The following GAS2 variants were observed in gnomAD, a reference collection of about 807,000 sequenced individuals.
The protein encoded by GAS2 is growth arrest specific 2.
GAS2 carries 20 observed loss-of-function variants against 37.5 expected under a neutral mutation model. The ratio of observed to expected loss-of-function variants is 0.53; its 90% CI spans 0.37 to 0.77. The LOEUF (loss-of-function observed/expected upper bound fraction) is 0.77, where lower values mean the gene tolerates loss of function less well. Among genes scored for constraint, GAS2 ranks in the 30% least tolerant of loss-of-function variants. GAS2 has a pLI of 0.00. For synonymous variants in GAS2, 144 were observed against 132.2 expected (o/e 1.09, Z -0.61); for missense variants, 336 against 373.4 (o/e 0.90, Z 0.82).
chr11:22,675,126 T>C, intron 2 of GAS2, 112 bp downstream of exon 2: 1 of 1,083,218 alleles, frequency 9.2e-7, no homozygotes. Context: ...AGAAAGACTT[T>C]TATTATTTGA....
intron 2 of GAS2, among the ~76,000 whole-genome samples, chr11:22,678,703 T>C (rs923501679): frequency 6.6e-6 from 1 of 152,044 alleles, no homozygotes; most frequent in African/African-American, 2.4e-5. Flanking sequence ...TTTCTGATCC[T>C]ACATATAAAC....
chr11:22,790,172 T>C (rs567183750), intron 7 of GAS2, among the ~76,000 whole-genome samples: 21 of 152,158 alleles, frequency 1.4e-4, no homozygotes, highest in African/African-American at 5.1e-4. Flanking sequence ...TGGTGGGAAA[T>C]TGGATGAGAG....
At chr11:22,716,466 A>T (rs1851681210) in intron 3 of GAS2, among the ~76,000 whole-genome samples, 1 of 151,852 alleles carries the variant, frequency 6.6e-6, no homozygotes, top group Admixed American at 6.6e-5. Context: ...ATGGTGAAAC[A>T]TTGTCTCAAC....
At chr11:22,763,998 G>A (rs1339847592) in intron 7 of GAS2, among the ~76,000 whole-genome samples, 2 of 152,134 alleles carry the variant, frequency 1.3e-5, no homozygotes, top group Non-Finnish European at 2.9e-5. Context: ...ATCCATTGAT[G>A]TAATTTACAC....
At chr11:22,644,507 A>G (rs1248236219) in intron 1 of GAS2, among the ~76,000 whole-genome samples, 2 of 152,236 alleles carry the variant, frequency 1.3e-5, no homozygotes, top group Non-Finnish European at 2.9e-5. Flanking sequence ...CAAAACTACT[A>G]TAGCTTACAT....
At chr11:22,688,114 C>T (rs920768555) in intron 3 of GAS2, among the ~76,000 whole-genome samples, 6 of 152,182 alleles carry the variant, frequency 3.9e-5, no homozygotes, top group African/African-American at 9.7e-5. Context: ...AAGGCTTTGA[C>T]ATTAAGTGCA....
chr11:22,707,359 C>G (rs1321750165), intron 3 of GAS2, among the ~76,000 whole-genome samples: 2 of 152,178 alleles, frequency 1.3e-5, no homozygotes, highest in Non-Finnish European at 2.9e-5. Flanking sequence ...GAAACATAAA[C>G]AAATGAGTAA....
chr11:22,742,618 G>T (rs148415103), intron 5 of GAS2, among the ~76,000 whole-genome samples: 6 of 152,178 alleles, frequency 3.9e-5, no homozygotes, highest in African/African-American at 1.4e-4. Flanking sequence ...TTGGGACTTA[G>T]TGTTGATTTT....
intron 2 of GAS2, among the ~76,000 whole-genome samples, chr11:22,677,631 C>T (rs1849489789): frequency 6.6e-6 from 1 of 152,130 alleles, no homozygotes; most frequent in African/African-American, 2.4e-5. Flanking sequence ...TCAGTGTGAG[C>T]AGCCCAAGAC....
intron 2 of GAS2, among the ~76,000 whole-genome samples, chr11:22,684,833 A>T (rs1849862708): frequency 6.6e-6 from 1 of 152,178 alleles, no homozygotes; most frequent in Non-Finnish European, 1.5e-5. Context: ...GGCTTCCAAA[A>T]TTCTGGGATT....
At chr11:22,683,210 T>C (rs1336492062) in intron 2 of GAS2, among the ~76,000 whole-genome samples, 1 of 152,160 alleles carries the variant, frequency 6.6e-6, no homozygotes, top group African/African-American at 2.4e-5. Context: ...AATCCAAATA[T>C]ATTAGATATT....
At chr11:22,677,489 A>T (rs946238642) in intron 2 of GAS2, among the ~76,000 whole-genome samples, 10 of 152,232 alleles carry the variant, frequency 6.6e-5, no homozygotes, top group Admixed American at 2.0e-4. Context: ...GAAGCCATTG[A>T]AATGTTCTAA....
chr11:22,794,359 G>C (rs1032057497), intron 7 of GAS2, among the ~76,000 whole-genome samples: 1 of 151,890 alleles, frequency 6.6e-6, no homozygotes, highest in African/African-American at 2.4e-5. Flanking sequence ...AGAGGCAGCT[G>C]TTATCACTGT....
At chr11:22,657,523 CGTGT>C (rs1288299844) in intron 1 of GAS2, among the ~76,000 whole-genome samples, 2 of 151,378 alleles carry the variant, frequency 1.3e-5, no homozygotes, top group African/African-American at 4.9e-5. Flanking sequence ...GTTGTTCCTG[CGTGT>C]GTGTGTGTGC....
intron 2 of GAS2, among the ~76,000 whole-genome samples, chr11:22,676,167 A>C (rs377005806): frequency 1.8e-4 from 28 of 152,264 alleles, no homozygotes; most frequent in East Asian, 1.2e-3. Context: ...AAAAAGAAGA[A>C]GACACTCCCT....
intron 7 of GAS2, among the ~76,000 whole-genome samples, chr11:22,763,616 TAC>T (rs34715661): frequency 0.015 from 2,149 of 143,850 alleles, 29 homozygotes; most frequent in African/African-American, 0.035. Context: ...AAAATACACA[TAC>T]ACACACACAC....
intron 4 of GAS2, among the ~76,000 whole-genome samples, chr11:22,729,410 G>A (rs1349046045): frequency 6.6e-6 from 1 of 151,894 alleles, no homozygotes; most frequent in Non-Finnish European, 1.5e-5. Context: ...GAACTGGGGA[G>A]AAGGGAGAGC....
intron 1 of GAS2, among the ~76,000 whole-genome samples, chr11:22,650,047 G>A (rs1282345250): frequency 5.3e-5 from 8 of 151,360 alleles, no homozygotes; most frequent in African/African-American, 1.2e-4. Context: ...TTTCTCTTGT[G>A]GGCATTTAGT....
intron 3 of GAS2, among the ~76,000 whole-genome samples, chr11:22,695,707 A>G (rs1190284919): frequency 6.6e-6 from 1 of 152,220 alleles, no homozygotes; most frequent in Non-Finnish European, 1.5e-5. Context: ...TCAACAGCTC[A>G]CAAATGAAAG....
Sources: allele counts gnomAD v4.1 joint callset (sites outside exome capture counted in the v4.1 genomes callset), GRCh38; gene constraint gnomAD v4.1.1; transcripts MANE v1.5; gene names NCBI Gene and HGNC (gene_info 2026-07-23, HGNC 2026-07-21).